The following SPRED1 variants were observed in gnomAD, a reference collection of about 807,000 sequenced individuals.
SPRED1 encodes sprouty related EVH1 domain containing 1, also known as sprouty-related, EVH1 domain-containing protein 1.
SPRED1 carries 18 observed loss-of-function variants against 52.3 expected under a neutral mutation model. That is an observed-to-expected ratio of 0.34 (90% CI 0.24 to 0.51). SPRED1 has a LOEUF of 0.51. SPRED1 is among the 20% of genes least tolerant of loss of function. SPRED1 has a pLI of 0.97. For synonymous variants in SPRED1, 155 were observed against 179.7 expected (o/e 0.86, Z 1.10); for missense variants, 485 against 551.0 (o/e 0.88, Z 1.20).
intron 1 of SPRED1, among the ~76,000 whole-genome samples, chr15:38,260,019 A>T (rs9302326): frequency 0.82 from 125,402 of 152,156 alleles, 52,469 homozygotes; most frequent in Non-Finnish European, 0.9. Context: ...TACTAATCTC[A>T]ACCTGAACAT....
intron 1 of SPRED1, among the ~76,000 whole-genome samples, chr15:38,264,924 A>G (rs1490406437): frequency 6.6e-6 from 1 of 152,160 alleles, no homozygotes; most frequent in Non-Finnish European, 1.5e-5. Context: ...ATGTAAATAA[A>G]CTATCCAAAT....
At chr15:38,303,915 A>G (rs994606827) in intron 2 of SPRED1, among the ~76,000 whole-genome samples, 1 of 152,164 alleles carries the variant, frequency 6.6e-6, no homozygotes, top group Non-Finnish European at 1.5e-5. Flanking sequence ...AAAAACTAGA[A>G]ATATTTCCAG....
chr15:38,314,315 G>A (rs980155419), intron 2 of SPRED1, among the ~76,000 whole-genome samples: 4 of 151,688 alleles, frequency 2.6e-5, no homozygotes, highest in African/African-American at 9.7e-5. Context: ...GATTTGTCAA[G>A]TTTTTCTTGT....
At chr15:38,337,428 A>G (rs368790052) in intron 4 of SPRED1, among the ~76,000 whole-genome samples, 1 of 152,222 alleles carries the variant, frequency 6.6e-6, no homozygotes, top group African/African-American at 2.4e-5. Context: ...TGCTTTGGTT[A>G]TTTTATTCAC....
chr15:38,301,440 G>A (rs1009394619), intron 2 of SPRED1, among the ~76,000 whole-genome samples: 2 of 152,144 alleles, frequency 1.3e-5, no homozygotes, highest in Non-Finnish European at 2.9e-5. Context: ...GAGGAAGCTT[G>A]TTACTTGTGA....
chr15:38,294,289 T>C (rs1277928444), intron 1 of SPRED1, among the ~76,000 whole-genome samples: 1 of 152,202 alleles, frequency 6.6e-6, no homozygotes, highest in East Asian at 1.9e-4. Context: ...AATAAGTTCC[T>C]GTTATACTGT....
intron 1 of SPRED1, among the ~76,000 whole-genome samples, chr15:38,287,285 G>A (rs570668725): frequency 7.9e-4 from 120 of 152,160 alleles, no homozygotes; most frequent in Non-Finnish European, 1.4e-3. Context: ...CATTATTCTA[G>A]TCTGTATTTC....
intron 1 of SPRED1, among the ~76,000 whole-genome samples, chr15:38,268,530 C>G (rs1894360619): frequency 6.6e-6 from 1 of 152,156 alleles, no homozygotes; most frequent in Admixed American, 6.5e-5. Flanking sequence ...CTTGTGACTA[C>G]CAGTCATTCC....
chr15:38,270,375 T>A (rs1894405028), intron 1 of SPRED1, among the ~76,000 whole-genome samples: 1 of 152,234 alleles, frequency 6.6e-6, no homozygotes, highest in Admixed American at 6.5e-5. Context: ...GTATGTAAGA[T>A]AATTTTAGTT....
At position 38,353,458 on chromosome 15, in the gene SPRED1, T is replaced by C. The variant is rs1888540079; in HGVS notation, c.*1794T>C. Reference sequence around the variant, plus strand: ...AAGAAAATATATTGATAACTATAGATGTTATGAAGAAGAGGGTATTTCTAG... The same window carrying C: ...AAGAAAATATATTGATAACTATAGACGTTATGAAGAAGAGGGTATTTCTAG... On this transcript the variant is annotated 3_prime_UTR_variant, in exon 7 of 7. Transcript: ENST00000299084. 6.6e-6 allele frequency: 1 copy of C among 152,522 alleles called. No homozygotes were observed. Among genetic ancestry groups the C allele is most frequent in the South Asian group, 2.1e-4 (1 of 4,832 alleles). The allele number at this position is 152,522 out of a possible 1,614,324, so 9.4% of individuals were successfully genotyped here. A position where few individuals can be genotyped will look rare whatever the true frequency, so the allele number is the denominator to read the frequency against.
intron 1 of SPRED1, chr15:38,268,104 C>G (rs1441972622): frequency 6.6e-6 from 1 of 152,166 alleles, no homozygotes; most frequent in Non-Finnish European, 1.5e-5. Flanking sequence ...ATTGCTATAT[C>G]ATTTGGAGCA....
At chr15:38,264,295 C>A (rs532922422) in intron 1 of SPRED1, among the ~76,000 whole-genome samples, 1 of 152,240 alleles carries the variant, frequency 6.6e-6, no homozygotes, top group South Asian at 2.1e-4. Flanking sequence ...GTATTTATAC[C>A]ACACTGTACG....
chr15:38,253,328 T>G, intron 1 of SPRED1, 111 bp downstream of exon 1: 1 of 1,009,058 alleles, frequency 9.9e-7, no homozygotes, highest in Non-Finnish European at 1.5e-6. Flanking sequence ...CCCTGGAGAG[T>G]TCGGTGCATC....
intron 4 of SPRED1, among the ~76,000 whole-genome samples, chr15:38,329,470 T>C (rs911091299): frequency 6.6e-6 from 1 of 152,154 alleles, no homozygotes; most frequent in East Asian, 1.9e-4. Flanking sequence ...AGTTAGTGGA[T>C]TGGCTTTATT....
At chr15:38,308,571 G>A (rs1895298790) in intron 2 of SPRED1, among the ~76,000 whole-genome samples, 1 of 152,160 alleles carries the variant, frequency 6.6e-6, no homozygotes, top group African/African-American at 2.4e-5. Flanking sequence ...TTCAAAAAAT[G>A]TTATAAAAGT....
At chr15:38,276,869 A>G (rs1894565913) in intron 1 of SPRED1, among the ~76,000 whole-genome samples, 1 of 152,156 alleles carries the variant, frequency 6.6e-6, no homozygotes, top group Non-Finnish European at 1.5e-5. Flanking sequence ...GTATCATTTT[A>G]CTAACTTATG....
intron 2 of SPRED1, among the ~76,000 whole-genome samples, chr15:38,305,993 T>G (rs1895244185): frequency 6.6e-6 from 1 of 152,180 alleles, no homozygotes; most frequent in Admixed American, 6.5e-5. Flanking sequence ...CTACTATTTT[T>G]TTTTTCATTG....
At chr15:38,301,892 G>GTAT (rs1462378272) in intron 2 of SPRED1, among the ~76,000 whole-genome samples, 1 of 149,764 alleles carries the variant, frequency 6.7e-6, no homozygotes, top group Non-Finnish European at 1.5e-5. Context: ...TTTTAAAGAA[G>GTAT]TATTATGTTT....
Position 38,299,508 on chromosome 15 carries a change from T to G in SPRED1, c.168T>G (p.Ala56=), listed in dbSNP as rs760939387. Reference sequence around the variant, plus strand: ...CTCATCAGGAAGAGAATGGCTGTGCTGACTTTTTTATCCGTGGAGAGCGAC... The same window carrying G: ...CTCATCAGGAAGAGAATGGCTGTGCGGACTTTTTTATCCGTGGAGAGCGAC... ...KVPHQEENGC[A]DFFIRGERLR... The change falls in exon 2 of 7, where the codon GCT becomes GCG. Residue 56 remains alanine, a synonymous_variant. Coordinates refer to ENST00000299084, the MANE Select transcript of SPRED1 (RefSeq NM_152594.3). 4 of 1,614,052 alleles carry G rather than the reference T, an allele frequency of 2.5e-6. No homozygotes were observed. In the South Asian group the frequency reaches 4.4e-5, roughly 18 times the overall value.
Sources: allele counts gnomAD v4.1 joint callset (sites outside exome capture counted in the v4.1 genomes callset), GRCh38; gene constraint gnomAD v4.1.1; transcripts MANE v1.5; gene names NCBI Gene and HGNC (gene_info 2026-07-23, HGNC 2026-07-21).